The following MYO16 variants were observed in gnomAD, a reference collection of about 807,000 sequenced individuals.
MYO16 encodes unconventional myosin-XVI.
Under a neutral mutation model 205.3 loss-of-function variants are expected in MYO16, and 94 were observed. That is an observed-to-expected ratio of 0.46 (90% confidence interval 0.39 to 0.54). MYO16 has a LOEUF of 0.54. MYO16 is among the 20% of genes least tolerant of loss of function. The probability of loss-of-function intolerance (pLI) is 0.00; values close to 1 mark genes in which losing one functional copy is unlikely to be tolerated. For missense variants in MYO16, 2,315 were observed against 2,387.5 expected (o/e 0.97, Z 0.63); for synonymous variants, 988 against 954.0 (o/e 1.04, Z -0.66).
At chr13:108,583,443 T>G in the MYO16 span, among the ~76,000 whole-genome samples, 1 of 152,196 alleles carries the variant, frequency 6.6e-6, no homozygotes, top group South Asian at 2.1e-4. Context: ...AATATGCTTT[T>G]GGGTTGCTAA....
chr13:108,501,896 G>A, the MYO16 span, among the ~76,000 whole-genome samples: 3 of 152,198 alleles, frequency 2.0e-5, no homozygotes, highest in African/African-American at 7.2e-5. Flanking sequence ...AATTTATGAG[G>A]TAGTTGACTT....
intron 20 of MYO16, among the ~76,000 whole-genome samples, chr13:108,976,508 C>T (rs1008951163): frequency 7.9e-5 from 12 of 152,084 alleles, no homozygotes; most frequent in African/African-American, 2.9e-4. Context: ...GATTCAAACT[C>T]TTTGGTGGGA....
At chr13:109,013,994 G>A (rs1287224811) in intron 22 of MYO16, among the ~76,000 whole-genome samples, 3 of 152,016 alleles carry the variant, frequency 2.0e-5, no homozygotes, top group Non-Finnish European at 4.4e-5. Context: ...GTCTATTTTG[G>A]CTTTTGTTGC....
chr13:109,032,091 G>A (rs112625161), intron 23 of MYO16, among the ~76,000 whole-genome samples: 2,615 of 152,206 alleles, frequency 0.017, 78 homozygotes, highest in African/African-American at 0.06. Flanking sequence ...GGCGTCTTAG[G>A]GGGACCGACT....
intron 29 of MYO16, among the ~76,000 whole-genome samples, chr13:109,121,414 G>C (rs1566516832): frequency 6.6e-6 from 1 of 152,168 alleles, no homozygotes; most frequent in Non-Finnish European, 1.5e-5. Flanking sequence ...CCTCCAGCTG[G>C]GGCAGACTTC....
chr13:108,501,096 A>G, the MYO16 span, among the ~76,000 whole-genome samples: 25 of 152,102 alleles, frequency 1.6e-4, no homozygotes, highest in African/African-American at 6.0e-4. Flanking sequence ...ACCCCACTTC[A>G]TAGAGGTCCC....
the MYO16 span, among the ~76,000 whole-genome samples, chr13:108,562,912 G>T: frequency 6.6e-6 from 1 of 152,046 alleles, no homozygotes; most frequent in Non-Finnish European, 1.5e-5. Flanking sequence ...CTGTGTTTGT[G>T]ATATCCATAT....
intron 4 of MYO16, among the ~76,000 whole-genome samples, chr13:108,746,198 A>C (rs1422093566): frequency 1.3e-5 from 2 of 152,100 alleles, no homozygotes; most frequent in African/African-American, 4.8e-5. Context: ...ATCTCAAAGA[A>C]ATAAAATAAA....
Position 109,040,385 on chromosome 13 carries a change from C to CACACAGAG in MYO16, c.2797-6530_2797-6529insCACAGAGA, listed in dbSNP as rs1394314811. Among the ~76,000 whole-genome samples, 502 of 113,264 alleles carry CACACAGAG rather than the reference C, an allele frequency of 4.4e-3. 4 individuals carry two copies. Among genetic ancestry groups the CACACAGAG allele is most frequent in the Admixed American group, 9.1e-3 (87 of 9,594 alleles). 74.3% of individuals were successfully genotyped at this position (113,264 alleles called of 152,430 possible). A position where few individuals can be genotyped will look rare whatever the true frequency, so the allele number is the denominator to read the frequency against. On this transcript the variant is annotated intron_variant, in intron 23 of 34. Transcript: ENST00000457511. ...ATACACACACACACACACACACACA[C>CACACAGAG]AGAGAGAGAGAGAGAGAGAGAGAGA...
intron 23 of MYO16, among the ~76,000 whole-genome samples, chr13:109,022,467 CAT>C (rs151308921): frequency 0.13 from 15,070 of 116,364 alleles, 1,245 homozygotes; most frequent in Non-Finnish European, 0.18. Context: ...ACAATATAAA[CAT>C]ATGTATATAT....
At chr13:109,202,705 T>C (rs1880445336) in intron 34 of MYO16, among the ~76,000 whole-genome samples, 1 of 151,952 alleles carries the variant, frequency 6.6e-6, no homozygotes, top group South Asian at 2.1e-4. Flanking sequence ...GAAAAAGCAA[T>C]CCTAAAACTC....
chr13:108,624,441 C>T (rs1174005685), intron 1 of MYO16, among the ~76,000 whole-genome samples: 1 of 152,212 alleles, frequency 6.6e-6, no homozygotes, highest in Non-Finnish European at 1.5e-5. Context: ...CCATATCACA[C>T]ATGTGCACAT....
chr13:108,614,581 G>A (rs1336643265), intron 1 of MYO16, among the ~76,000 whole-genome samples: 1 of 151,938 alleles, frequency 6.6e-6, no homozygotes, highest in Non-Finnish European at 1.5e-5. Context: ...TTACTACAAA[G>A]CTACAAAATA....
intron 10 of MYO16, among the ~76,000 whole-genome samples, chr13:108,852,934 T>C (rs1367114430): frequency 1.3e-5 from 2 of 152,228 alleles, no homozygotes; most frequent in Non-Finnish European, 2.9e-5. Flanking sequence ...GTTTAAACAC[T>C]GTTGTTCATA....
chr13:108,764,418 A>G (rs1051945821), intron 4 of MYO16, among the ~76,000 whole-genome samples: 30 of 152,214 alleles, frequency 2.0e-4, no homozygotes, highest in Admixed American at 1.6e-3. Flanking sequence ...GAGTGTTCAT[A>G]TTAGAAAAAT....
the MYO16 span, among the ~76,000 whole-genome samples, chr13:108,552,636 G>A: frequency 3.4e-3 from 519 of 152,250 alleles, 2 homozygotes; most frequent in Middle Eastern, 0.034. Flanking sequence ...ATTCTCAGAT[G>A]AGTATCATCA....
chr13:109,175,841 C>G (rs920481778), intron 33 of MYO16, among the ~76,000 whole-genome samples: 5 of 151,808 alleles, frequency 3.3e-5, no homozygotes, highest in Non-Finnish European at 7.4e-5. Flanking sequence ...GAGTCTTCAC[C>G]CTGGTTAAAA....
intron 4 of MYO16, among the ~76,000 whole-genome samples, chr13:108,730,609 C>T (rs1280972863): frequency 6.6e-6 from 1 of 152,154 alleles, no homozygotes; most frequent in Admixed American, 6.5e-5. Flanking sequence ...GTTATTCAGA[C>T]CTTTCCTATG....
At chr13:108,925,299 G>T (rs1218712424) in intron 16 of MYO16, among the ~76,000 whole-genome samples, 2 of 152,194 alleles carry the variant, frequency 1.3e-5, no homozygotes, top group East Asian at 3.9e-4. Context: ...GAGTGTCACA[G>T]AGATGAACTA....
Sources: allele counts gnomAD v4.1 joint callset (sites outside exome capture counted in the v4.1 genomes callset), GRCh38; gene constraint gnomAD v4.1.1; transcripts MANE v1.5; gene names NCBI Gene and HGNC (gene_info 2026-07-23, HGNC 2026-07-21).